MAL: variants seen among roughly 807,000 people sequenced by gnomAD.
MAL encodes myelin and lymphocyte protein.
In MAL, 5 loss-of-function variants were observed where a neutral mutation model predicts 16.7. That is an observed-to-expected ratio of 0.30 (90% CI 0.16 to 0.63). The LOEUF is 0.63. Among genes scored for constraint, MAL ranks in the 30% least tolerant of loss-of-function variants. MAL has a pLI of 0.82. For missense variants in MAL, 202 were observed against 195.8 expected (o/e 1.03, Z -0.19); for synonymous variants, 96 against 85.5 (o/e 1.12, Z -0.67).
At chr2:95,043,562 G>T (rs555942745) in intron 1 of MAL, among the ~76,000 whole-genome samples, 1 of 152,310 alleles carries the variant, frequency 6.6e-6, no homozygotes, top group South Asian at 2.1e-4. Context: ...AGCTGGCAGG[G>T]CGCCTCTGCA....
chr2:95,032,555 G>A (rs1260516347), intron 1 of MAL, among the ~76,000 whole-genome samples: 1 of 152,214 alleles, frequency 6.6e-6, no homozygotes, highest in Non-Finnish European at 1.5e-5. Context: ...TGGTGTTGAT[G>A]GGTGTGAGGA....
rs1175174558 is a variant in MAL, at chr2:95,053,729, C to A, written c.*274C>A. Reference sequence around the variant, plus strand: ...TCACCTCCTGTTTGTGAAAGGGGACCTTCTTGTTCGGGGGTGGGAAGTGGC... The same window carrying A: ...TCACCTCCTGTTTGTGAAAGGGGACATTCTTGTTCGGGGGTGGGAAGTGGC... On this transcript the variant is annotated 3_prime_UTR_variant, in exon 4 of 4. Transcript: ENST00000309988. 9.3e-6 allele frequency: 4 copies of A among 428,744 alleles called. No individual in the cohort carries two copies. The highest frequency in any genetic ancestry group is 2.0e-5 in the African/African-American group (1 of 51,058). 26.6% of individuals were successfully genotyped at this position (428,744 alleles called of 1,614,324 possible).
At position 95,025,771 on chromosome 2, in the gene MAL, A is replaced by C. The variant is rs1223598345; in HGVS notation, c.-22A>C. 1 of 1,513,340 alleles carries C rather than the reference A, an allele frequency of 6.6e-7. No individual in the cohort carries two copies. Among genetic ancestry groups the C allele is most frequent in the African/African-American group, 1.4e-5 (1 of 70,542 alleles). The allele number at this position is 1,513,340 out of a possible 1,614,324, so 93.7% of individuals were successfully genotyped here. ...TCTGAGCGGCGCTCGTCCCGTCCCAAGGCCGACGCCAGCACGCCGTCATGG... is the reference window on the plus strand; with the variant it reads ...TCTGAGCGGCGCTCGTCCCGTCCCACGGCCGACGCCAGCACGCCGTCATGG... On this transcript the variant is annotated 5_prime_UTR_variant, in exon 1 of 4. Coordinates refer to ENST00000309988, the MANE Select transcript of MAL (RefSeq NM_002371.4). This position sits in a 1 kb window ranked among gnomAD's most constrained non-coding sequence, Gnocchi z 5.6.
In MAL at chr2:95,038,039, AGT is replaced by A. The variant is rs1674294936; in HGVS notation, c.94-9918_94-9917del. On this transcript the variant is annotated intron_variant, in intron 1 of 3. Coordinates refer to ENST00000309988, the MANE Select transcript of MAL (RefSeq NM_002371.4). ...GAGTGACTGTGTGAGTGACTGAGTG[AGT>A]GAGTGAGTGACTCAGTGAGTGAGTG... 5.9e-5 allele frequency among the ~76,000 whole-genome samples: 9 copies of A among 151,408 alleles called. No homozygotes were observed. In the South Asian group the frequency reaches 1.9e-3, roughly 32 times the overall value.
intron 1 of MAL, among the ~76,000 whole-genome samples, chr2:95,037,988 GTGAC>G (rs1674291988): frequency 6.6e-6 from 1 of 150,886 alleles, no homozygotes; most frequent in Non-Finnish European, 1.5e-5. Context: ...GACTGAGTGA[GTGAC>G]TGAGTGGATG....
chr2:95,052,104 G>A (rs566243695), intron 3 of MAL, among the ~76,000 whole-genome samples: 1 of 152,358 alleles, frequency 6.6e-6, no homozygotes, highest in Admixed American at 6.5e-5. Context: ...GGGACCCCAG[G>A]GATGGGTGGA....
At chr2:95,043,584 C>G (rs1674519582) in intron 1 of MAL, among the ~76,000 whole-genome samples, 1 of 152,196 alleles carries the variant, frequency 6.6e-6, no homozygotes, top group Admixed American at 6.5e-5. Flanking sequence ...TAGAATTCTC[C>G]CAGAGAAGAC....
intron 1 of MAL, among the ~76,000 whole-genome samples, chr2:95,037,112 A>G (rs1163715777): frequency 6.7e-6 from 1 of 148,562 alleles, no homozygotes; most frequent in East Asian, 2.0e-4. Context: ...TGAGTGAGTG[A>G]CTGAGTGGGT....
At chr2:95,038,572 G>A (rs1674326725) in intron 1 of MAL, among the ~76,000 whole-genome samples, 2 of 150,690 alleles carry the variant, frequency 1.3e-5, no homozygotes, top group Non-Finnish European at 3.0e-5. Context: ...GAGTGACTGA[G>A]TGACTGAGTG....
At chr2:95,047,524 C>G (rs1674617999) in intron 1 of MAL, among the ~76,000 whole-genome samples, 1 of 152,160 alleles carries the variant, frequency 6.6e-6, no homozygotes, top group Non-Finnish European at 1.5e-5. Flanking sequence ...AGTTCAAGAC[C>G]AGCCTGGCCA....
intron 1 of MAL, among the ~76,000 whole-genome samples, chr2:95,039,534 G>A (rs1298320033): frequency 6.6e-6 from 1 of 151,556 alleles, no homozygotes. Context: ...GTGACTGAGT[G>A]GGTGAGTGAG....
At chr2:95,028,421 A>G (rs924221079) in intron 1 of MAL, among the ~76,000 whole-genome samples, 2 of 152,210 alleles carry the variant, frequency 1.3e-5, no homozygotes, top group African/African-American at 2.4e-5. Context: ...ACTATCCAAA[A>G]AACGGAAAAC....
chr2:95,047,145 A>G (rs1297139242), intron 1 of MAL, among the ~76,000 whole-genome samples: 1 of 152,216 alleles, frequency 6.6e-6, no homozygotes, highest in Non-Finnish European at 1.5e-5. Context: ...CATTGCATAA[A>G]GGAAAGGACA....
intron 1 of MAL, among the ~76,000 whole-genome samples, chr2:95,045,814 G>A (rs1322507581): frequency 2.0e-5 from 3 of 152,194 alleles, no homozygotes; most frequent in East Asian, 1.9e-4. Context: ...GTCAGTGCCC[G>A]TTATGGAAAA....
intron 1 of MAL, among the ~76,000 whole-genome samples, chr2:95,035,576 AG>A (rs1383889368): frequency 1.3e-5 from 2 of 151,904 alleles, no homozygotes; most frequent in Non-Finnish European, 2.9e-5. Flanking sequence ...CTGGGGCTCA[AG>A]GGGGGTGAGA....
intron 1 of MAL, among the ~76,000 whole-genome samples, chr2:95,047,362 G>A (rs184540655): frequency 2.0e-5 from 3 of 152,290 alleles, no homozygotes; most frequent in Admixed American, 6.5e-5. Flanking sequence ...AAGTGCTTAG[G>A]ATAGTGCCTG....
chr2:95,033,443 C>T (rs1246569177), intron 1 of MAL, among the ~76,000 whole-genome samples: 1 of 151,896 alleles, frequency 6.6e-6, no homozygotes, highest in African/African-American at 2.4e-5. Flanking sequence ...AGGGAGAAGC[C>T]GGCTGGGAGT....
chr2:95,048,180 T>A (rs1674634566), intron 2 of MAL, 54 bp downstream of exon 2: 4 of 1,516,162 alleles, frequency 2.6e-6, no homozygotes, highest in Non-Finnish European at 3.7e-6. Flanking sequence ...GAAGTACTGG[T>A]CCCTGGCCCA....
chr2:95,046,873 AAGGG>A (rs1268048605), intron 1 of MAL, among the ~76,000 whole-genome samples: 1 of 150,878 alleles, frequency 6.6e-6, no homozygotes, highest in Non-Finnish European at 1.5e-5. Flanking sequence ...GAGAAAGAGA[AAGGG>A]AGAGAGAGAG....
Sources: gnomAD v4.1 joint callset for allele counts (sites outside exome capture counted in the v4.1 genomes callset) on GRCh38, gnomAD v4.1.1 for gene constraint, Gnocchi (gnomAD v3.1) non-coding constraint, MANE v1.5 for transcripts, NCBI Gene and HGNC (gene_info 2026-07-23, HGNC 2026-07-21) for gene names.